The following CMPK2 variants were observed in gnomAD, a reference collection of about 807,000 sequenced individuals.
CMPK2 encodes cytidine/uridine monophosphate kinase 2.
A neutral mutation model predicts 33.4 loss-of-function variants in CMPK2; 32 were observed. The observed-to-expected ratio is 0.96, with a 90% CI of 0.72 to 1.29. The LOEUF is 1.29. Ranked by LOEUF, CMPK2 falls within the 50% of genes most tolerant of loss-of-function variation. The probability of loss-of-function intolerance (pLI) is 0.00; values close to 1 mark genes in which losing one functional copy is unlikely to be tolerated. For synonymous variants in CMPK2, 299 were observed against 275.3 expected, an observed-to-expected ratio of 1.09 and a Z score of -0.85; for missense variants, 672 against 616.0, an observed-to-expected ratio of 1.09 and a Z score of -0.96.
At chr2:6,852,745 T>A (rs1002253783) in intron 3 of CMPK2, among the ~76,000 whole-genome samples, 2 of 152,222 alleles carry the variant, frequency 1.3e-5, no homozygotes, top group Non-Finnish European at 2.9e-5. Flanking sequence ...AATGAATAAA[T>A]GAATTAGAAC....
intron 3 of CMPK2, among the ~76,000 whole-genome samples, chr2:6,853,526 A>G (rs1662587278): frequency 6.6e-6 from 1 of 151,886 alleles, no homozygotes; most frequent in African/African-American, 2.4e-5. Context: ...AAAAAACTGT[A>G]TCACACTGTT....
rs760993467 is a variant in CMPK2, at chr2:6,865,129, C to T, written c.568G>A (p.Ala190Thr). ...QDGRRLQVGC[A>T]QVVPVPEPPL... ...GGCTCCGGGACGGGCACGACCTGTG[C>T]GCAGCCCACCTGCAGCCGCCTGCCG... The change falls in exon 1 of 5, where the codon GCA becomes ACA. Residue 190 changes from alanine to threonine, a missense_variant. Coordinates refer to ENST00000256722, the MANE Select transcript of CMPK2 (RefSeq NM_207315.4). 2.9e-5 allele frequency: 44 copies of T among 1,519,308 alleles called. No individual in the cohort carries two copies. Among genetic ancestry groups the T allele is most frequent in the Non-Finnish European group, 3.7e-5 (42 of 1,134,430 alleles). 94.1% of individuals were successfully genotyped at this position (1,519,308 alleles called of 1,614,324 possible).
intron 3 of CMPK2, among the ~76,000 whole-genome samples, chr2:6,857,047 C>T (rs1447449633): frequency 6.6e-6 from 1 of 152,180 alleles, no homozygotes; most frequent in African/African-American, 2.4e-5. Flanking sequence ...AGTGATTATG[C>T]TACTATCATA....
chr2:6,854,462 CTCTTT>C (rs1260296388), intron 3 of CMPK2, among the ~76,000 whole-genome samples: 1 of 152,300 alleles, frequency 6.6e-6, no homozygotes. Context: ...CAAATAACTG[CTCTTT>C]TCTTTTCATC....
At chr2:6,844,864 G>T (rs921038124), downstream of CMPK2, among the ~76,000 whole-genome samples, 1 of 152,172 alleles carries the variant, frequency 6.6e-6, no homozygotes, top group Non-Finnish European at 1.5e-5. Flanking sequence ...ATCTATTAGG[G>T]TCATCAGAGA....
chr2:6,849,484 C>T lies in CMPK2; in HGVS notation c.*366G>A. On this transcript the variant is annotated 3_prime_UTR_variant, in exon 5 of 5. Transcript: ENST00000256722. ...GGAGAAGCAGAGGCTCCGGGGTCTC[C>T]CTGCTGATCTGGAAGATCTTGTCTG... The T allele has an allele frequency of 9.8e-7, 1 of 1,024,366 alleles. No homozygotes were observed. The highest frequency in any genetic ancestry group is 1.2e-6 in the Non-Finnish European group (1 of 855,464). 63.5% of individuals were successfully genotyped at this position (1,024,366 alleles called of 1,614,324 possible).
upstream of CMPK2, chr2:6,866,027 C>T (rs1572147936): frequency 8.8e-6 from 4 of 454,238 alleles, no homozygotes; most frequent in South Asian, 1.2e-4. Context: ...GAATGAGGCC[C>T]CGCGCCGTCG....
At chr2:6,859,068 T>C (rs1424692152) in intron 3 of CMPK2, among the ~76,000 whole-genome samples, 2 of 152,334 alleles carry the variant, frequency 1.3e-5, no homozygotes, top group Non-Finnish European at 2.9e-5. Context: ...GTAACTCTTG[T>C]TATGCTTTAG....
At chr2:6,842,025 T>C (rs1662246304) in intron 3 of CMPK2, among the ~76,000 whole-genome samples, 1 of 152,202 alleles carries the variant, frequency 6.6e-6, no homozygotes, top group South Asian at 2.1e-4. Flanking sequence ...ACTCAGCTAA[T>C]TGAGCACTGT....
intron 3 of CMPK2, among the ~76,000 whole-genome samples, chr2:6,857,639 CT>C (rs59168059): frequency 9.9e-5 from 13 of 131,704 alleles, no homozygotes; most frequent in Admixed American, 3.9e-4. Flanking sequence ...CTTTTCTTTT[CT>C]TTTTTTTTTT....
chr2:6,862,379 T>C (rs944635766), intron 2 of CMPK2, among the ~76,000 whole-genome samples: 24 of 152,234 alleles, frequency 1.6e-4, no homozygotes, highest in African/African-American at 5.5e-4. Flanking sequence ...TAGGCCTTGG[T>C]GCAGGATGCA....
At chr2:6,853,534 G>GTC (rs140700308) in intron 3 of CMPK2, among the ~76,000 whole-genome samples, 2,609 of 152,180 alleles carry the variant, frequency 0.017, 76 homozygotes, top group African/African-American at 0.06. Context: ...GTATCACACT[G>GTC]TTACTATAAG....
intron 3 of CMPK2, among the ~76,000 whole-genome samples, chr2:6,855,626 T>C (rs1053502031): frequency 6.6e-6 from 1 of 152,222 alleles, no homozygotes; most frequent in Non-Finnish European, 1.5e-5. Context: ...TTTCGTATCC[T>C]TCTCAGTTCA....
chr2:6,843,641 G>A (rs772477480), downstream of CMPK2, among the ~76,000 whole-genome samples: 33 of 152,270 alleles, frequency 2.2e-4, no homozygotes, highest in Non-Finnish European at 2.5e-4. Flanking sequence ...TCCTGGAACC[G>A]TAAGGATGGT....
intron 3 of CMPK2, 95 bp from the exon 4 acceptor site, chr2:6,851,778 C>CA: frequency 8.6e-7 from 1 of 1,161,740 alleles, no homozygotes. Flanking sequence ...CCAGGGTTGG[C>CA]TCTACAGAAG....
intron 3 of CMPK2, among the ~76,000 whole-genome samples, chr2:6,856,677 G>T (rs1662711493): frequency 6.6e-6 from 1 of 152,130 alleles, no homozygotes; most frequent in African/African-American, 2.4e-5. Flanking sequence ...CTACTTCCCA[G>T]AGAACAACTT....
chr2:6,860,769 G>A (rs1384309749), intron 3 of CMPK2, among the ~76,000 whole-genome samples: 1 of 152,200 alleles, frequency 6.6e-6, no homozygotes, highest in Non-Finnish European at 1.5e-5. Flanking sequence ...GAGGTGTCCA[G>A]TAAGTATTTG....
rs1389720555 is a variant in CMPK2 at position 6,851,609 on chromosome 2, T to C, written c.1067A>G (p.His356Arg). ...CTCTGGCCACTGGTACACAGGGTGA[T>C]GGGCTGGGGGCAGGTGCTGGAGACC... ...SGGLQHLPPA[H>R]HPVYQWPEDL... The change falls in exon 4 of 5, where the codon CAT becomes CGT. Residue 356 changes from histidine (H) to arginine (R), a missense_variant. His to Arg is a conservative substitution (Grantham distance 29). Coordinates refer to ENST00000256722, the MANE Select transcript of CMPK2 (RefSeq NM_207315.4). 2 of 1,614,096 alleles carry C rather than the reference T, an allele frequency of 1.2e-6. No homozygotes were observed. The highest frequency in any genetic ancestry group is 1.1e-5 in the South Asian group (1 of 91,068).
intron 2 of CMPK2, among the ~76,000 whole-genome samples, chr2:6,862,707 T>C (rs1662919175): frequency 6.6e-6 from 1 of 152,226 alleles, no homozygotes; most frequent in African/African-American, 2.4e-5. Flanking sequence ...GGAGCCAGGA[T>C]GGTCAACATG....
Sources: allele counts gnomAD v4.1 joint callset (sites outside exome capture counted in the v4.1 genomes callset), GRCh38; gene constraint gnomAD v4.1.1; transcripts MANE v1.5; gene names NCBI Gene and HGNC (gene_info 2026-07-23, HGNC 2026-07-21).